ABI3BP: variants seen among roughly 807,000 people sequenced by gnomAD.
The protein encoded by ABI3BP is ABI family member 3 binding protein, also known as target of Nesh-SH3.
Under a neutral mutation model 268.6 loss-of-function variants are expected in ABI3BP, and 216 were observed. That is an observed-to-expected ratio of 0.80 (90% CI 0.72 to 0.90). ABI3BP has a LOEUF of 0.90. ABI3BP is among the 40% of genes least tolerant of loss of function. The probability of loss-of-function intolerance (pLI) is 0.00; values close to 1 mark genes in which losing one functional copy is unlikely to be tolerated. For missense variants in ABI3BP, 2,090 were observed against 2,182.4 expected (o/e 0.96, Z 0.84); for synonymous variants, 730 against 730.0 (o/e 1.00, Z 0.00).
At chr3:100,907,854 G>A (rs1034382009) in intron 2 of ABI3BP, among the ~76,000 whole-genome samples, 18 of 152,246 alleles carry the variant, frequency 1.2e-4, no homozygotes, top group South Asian at 2.1e-4. Flanking sequence ...GGTAGCTCAC[G>A]CCTGTAATCC....
chr3:100,816,646 T>C, intron 43 of ABI3BP, 42 bp downstream of exon 43: 1 of 1,460,554 alleles, frequency 6.8e-7, no homozygotes, highest in Non-Finnish European at 9.3e-7. Context: ...CTGCCAGGGT[T>C]CAGGTTCCTT....
At chr3:100,976,162 T>C (rs551778097) in intron 1 of ABI3BP, among the ~76,000 whole-genome samples, 28 of 152,296 alleles carry the variant, frequency 1.8e-4, no homozygotes, top group African/African-American at 6.5e-4. Flanking sequence ...TTAAAATGTC[T>C]TTAATGTTGT....
chr3:100,859,268 T>C (rs542874264), intron 14 of ABI3BP, among the ~76,000 whole-genome samples: 2 of 152,068 alleles, frequency 1.3e-5, no homozygotes, highest in Non-Finnish European at 2.9e-5. Flanking sequence ...ATGTGCTCAT[T>C]TGGCTGTAAT....
At chr3:100,910,823 T>G (rs2056106623) in intron 2 of ABI3BP, among the ~76,000 whole-genome samples, 1 of 152,204 alleles carries the variant, frequency 6.6e-6, no homozygotes, top group Non-Finnish European at 1.5e-5. Context: ...TGTGGATTAC[T>G]GCAAACAGGG....
chr3:100,986,683 T>G (rs548819440), intron 1 of ABI3BP, among the ~76,000 whole-genome samples: 88 of 152,272 alleles, frequency 5.8e-4, no homozygotes, highest in African/African-American at 2.1e-3. Flanking sequence ...ACTAGGCTGG[T>G]CTTGAACTCT....
chr3:100,940,851 TTAAA>T (rs1351926715), intron 1 of ABI3BP, among the ~76,000 whole-genome samples: 1 of 96,458 alleles, frequency 1.0e-5, no homozygotes, highest in Non-Finnish European at 2.0e-5. Flanking sequence ...AGTCAGGAAT[TTAAA>T]TAAGAATATA....
At chr3:100,913,876 G>C (rs1427757957) in intron 2 of ABI3BP, among the ~76,000 whole-genome samples, 1 of 152,158 alleles carries the variant, frequency 6.6e-6, no homozygotes, top group Non-Finnish European at 1.5e-5. Flanking sequence ...CAGGCTTTCA[G>C]TTCATGCTGT....
intron 57 of ABI3BP, among the ~76,000 whole-genome samples, chr3:100,784,934 G>A (rs1221976247): frequency 6.6e-6 from 1 of 152,126 alleles, no homozygotes; most frequent in African/African-American, 2.4e-5. Flanking sequence ...ATTAGGTACA[G>A]TGTACACTAC....
chr3:100,761,206 T>C (rs886280732), intron 63 of ABI3BP, among the ~76,000 whole-genome samples: 3 of 152,178 alleles, frequency 2.0e-5, no homozygotes, highest in African/African-American at 7.2e-5. Flanking sequence ...TGAGTACTGA[T>C]TGAGCTGGAT....
At chr3:100,986,248 A>G (rs1332305847) in intron 1 of ABI3BP, among the ~76,000 whole-genome samples, 1 of 152,228 alleles carries the variant, frequency 6.6e-6, no homozygotes, top group Non-Finnish European at 1.5e-5. Flanking sequence ...AATTCTGCTA[A>G]CAACCATGTG....
chr3:100,756,773 T>TG (rs1479326186), intron 63 of ABI3BP, among the ~76,000 whole-genome samples: 7 of 101,090 alleles, frequency 6.9e-5, no homozygotes, highest in South Asian at 4.0e-4. Context: ...AGCTACTTTT[T>TG]GGGTTTTTTT....
intron 22 of ABI3BP, among the ~76,000 whole-genome samples, chr3:100,840,386 C>T (rs921727145): frequency 2.6e-5 from 4 of 152,036 alleles, no homozygotes; most frequent in Non-Finnish European, 5.9e-5. Context: ...GTCTGTTCTT[C>T]CATTTTGAGA....
rs1245967138 is a variant in ABI3BP at position 100,828,401 on chromosome 3, G to A, written c.2594C>T (p.Thr865Ile). The A allele has an allele frequency of 3.3e-6, 5 of 1,535,014 alleles. No homozygotes were observed. In the Admixed American group the frequency reaches 7.8e-5, roughly 24 times the overall value. ...TCAAAAAGTGGCATTACCGAATGTT[G>A]TCCCTGGAGCCTCTTTTATAGGAGA... The part of the protein sequence containing the change: ...PVSPIKEAPG[T>I]TFVPVTDLEP... Residue 865 changes from threonine (T) to isoleucine (I), a missense_variant, in exon 34 of 68, where the codon ACA (threonine) becomes ATA (isoleucine). By Grantham distance (89) the Thr-to-Ile change is moderately conservative. Transcript: ENST00000471714.
chr3:100,876,373 G>T, intron 7 of ABI3BP, 139 bp downstream of exon 7: 1 of 752,488 alleles, frequency 1.3e-6, no homozygotes, highest in Non-Finnish European at 2.1e-6. Flanking sequence ...CAGTTTACTA[G>T]ACCATTATAT....
intron 1 of ABI3BP, among the ~76,000 whole-genome samples, chr3:100,956,616 G>T (rs1211096172): frequency 6.6e-6 from 1 of 152,192 alleles, no homozygotes; most frequent in Non-Finnish European, 1.5e-5. Context: ...TTGGGGGTTT[G>T]TTGTTGAGAC....
Position 100,909,758 on chromosome 3 carries a change from G to A in ABI3BP, c.260-7072C>T, listed in dbSNP as rs558320869. On this transcript the variant is annotated intron_variant, in intron 2 of 67. Transcript: ENST00000471714. ...CAGGTAGAACGCCAATCATTAAAAA[G>A]TCAGGAAACAACAGATGCTGAGAGG... 1.3e-5 allele frequency among the ~76,000 whole-genome samples: 2 copies of A among 152,254 alleles called. 1 individual carries two copies. The highest frequency in any genetic ancestry group is 4.8e-5 in the African/African-American group (2 of 41,530).
At position 100,750,688 on chromosome 3, in the gene ABI3BP, C is replaced by G; in HGVS notation, c.5246-78G>C. 4.2e-6 allele frequency: 4 copies of G among 950,000 alleles called. No individual in the cohort carries two copies. The South Asian group carries it at 6.2e-5, about 15-fold the overall frequency. 58.8% of individuals were successfully genotyped at this position (950,000 alleles called of 1,614,324 possible). A position where few individuals can be genotyped will look rare whatever the true frequency, so the allele number is the denominator to read the frequency against. The stretch of plus-strand genomic sequence containing the variant: ...TCACAGCTCATAGATTGAAGGATGT[C>G]GTTGACTAGCTGAAGGCTAATCTTA... On this transcript the variant is annotated intron_variant, in intron 67 of 67. Transcript: ENST00000471714.
Position 100,839,692 on chromosome 3 carries a change from C to T in ABI3BP, c.1898-76G>A. The T allele has an allele frequency of 2.2e-6, 3 of 1,393,836 alleles. No homozygotes were observed. The Admixed American group carries it at 5.9e-5, about 27-fold the overall frequency. The allele number at this position is 1,393,836 out of a possible 1,614,324, so 86.3% of individuals were successfully genotyped here. A position where few individuals can be genotyped will look rare whatever the true frequency, so the allele number is the denominator to read the frequency against. On this transcript the variant is annotated intron_variant, in intron 23 of 67. Coordinates refer to ENST00000471714, the MANE Select transcript of ABI3BP (RefSeq NM_001375547.2). ...GAGGAGGGAGACATTATGCCTCAAGCTGGGACACTACCTAAATGATGCATT... is the reference window on the plus strand; with the variant it reads ...GAGGAGGGAGACATTATGCCTCAAGTTGGGACACTACCTAAATGATGCATT...
chr3:100,910,706 G>A (rs1172284316), intron 2 of ABI3BP, among the ~76,000 whole-genome samples: 11 of 152,036 alleles, frequency 7.2e-5, no homozygotes, highest in Admixed American at 7.2e-4. Flanking sequence ...ATGTGTCAGT[G>A]TAAGGCTTTC....
Sources: gnomAD v4.1 joint callset for allele counts (sites outside exome capture counted in the v4.1 genomes callset) on GRCh38, gnomAD v4.1.1 for gene constraint, MANE v1.5 for transcripts, NCBI Gene and HGNC (gene_info 2026-07-23, HGNC 2026-07-21) for gene names.